ENOX1: variants seen among roughly 807,000 people sequenced by gnomAD.
The protein encoded by ENOX1 is ecto-NOX disulfide-thiol exchanger 1.
A neutral mutation model predicts 82.5 loss-of-function variants in ENOX1; 42 were observed. The observed-to-expected ratio is 0.51, with a 90% CI of 0.40 to 0.66. ENOX1 has a LOEUF of 0.66. ENOX1 is among the 30% of genes least tolerant of loss of function. The probability of loss-of-function intolerance (pLI) is 0.00; values close to 1 mark genes in which losing one functional copy is unlikely to be tolerated. For synonymous variants in ENOX1, 271 were observed against 282.2 expected (o/e 0.96, Z 0.40); for missense variants, 608 against 811.6 (o/e 0.75, Z 3.05).
intron 5 of ENOX1, among the ~76,000 whole-genome samples, chr13:43,397,637 T>A (rs185432488): frequency 6.6e-6 from 1 of 152,216 alleles, no homozygotes; most frequent in African/African-American, 2.4e-5. Flanking sequence ...TTTTGCCCTA[T>A]AGGCATAAAC....
intron 2 of ENOX1, among the ~76,000 whole-genome samples, chr13:43,513,046 C>T (rs1157249945): frequency 2.0e-5 from 3 of 152,064 alleles, no homozygotes; most frequent in African/African-American, 4.8e-5. Flanking sequence ...CAGTGGCTCA[C>T]GCCTGCAATC....
chr13:43,561,809 C>A (rs114391833), intron 2 of ENOX1, among the ~76,000 whole-genome samples: 1 of 151,898 alleles, frequency 6.6e-6, no homozygotes, highest in Admixed American at 6.6e-5. Context: ...GGTGAAATCC[C>A]GTCTCTACAA....
chr13:43,404,807 G>A (rs1458520203), intron 5 of ENOX1, among the ~76,000 whole-genome samples: 1 of 152,158 alleles, frequency 6.6e-6, no homozygotes, highest in African/African-American at 2.4e-5. Context: ...TGCATAGAGT[G>A]TAACAGAACT....
intron 3 of ENOX1, among the ~76,000 whole-genome samples, chr13:43,480,041 T>C (rs2058449422): frequency 6.6e-6 from 1 of 152,032 alleles, no homozygotes; most frequent in Non-Finnish European, 1.5e-5. Flanking sequence ...GTTCAAGCCA[T>C]TTTCCTGCCA....
At chr13:43,718,401 G>A (rs1434997095) in intron 1 of ENOX1, among the ~76,000 whole-genome samples, 2 of 151,918 alleles carry the variant, frequency 1.3e-5, no homozygotes, top group Non-Finnish European at 2.9e-5. Context: ...GAGGGAAGAG[G>A]GGATGGGTTG....
At chr13:43,660,804 T>C (rs1023849814) in intron 2 of ENOX1, among the ~76,000 whole-genome samples, 4 of 152,222 alleles carry the variant, frequency 2.6e-5, no homozygotes, top group African/African-American at 9.6e-5. Context: ...ACATTTCTTC[T>C]GCAGAGTTTG....
chr13:43,454,597 T>C (rs1229466696), intron 3 of ENOX1, among the ~76,000 whole-genome samples: 1 of 152,164 alleles, frequency 6.6e-6, no homozygotes, highest in Non-Finnish European at 1.5e-5. Context: ...CTCCCAAGTT[T>C]TCTTTCCTGA....
intron 3 of ENOX1, among the ~76,000 whole-genome samples, chr13:43,417,087 C>G (rs546280377): frequency 6.6e-6 from 1 of 152,178 alleles, no homozygotes; most frequent in South Asian, 2.1e-4. Flanking sequence ...CGTGCGCCTG[C>G]AATCCCAGGC....
At chr13:43,587,951 C>CA (rs34517732) in intron 2 of ENOX1, among the ~76,000 whole-genome samples, 135,738 of 148,732 alleles carry the variant, frequency 0.91, 62,319 homozygotes, top group East Asian at 0.99. Flanking sequence ...TTGCATTTTC[C>CA]AAAAAAAAAA....
intron 3 of ENOX1, among the ~76,000 whole-genome samples, chr13:43,428,950 C>A (rs541117653): frequency 6.6e-6 from 1 of 152,302 alleles, no homozygotes; most frequent in Admixed American, 6.5e-5. Context: ...AAATCAAAGT[C>A]CCTCTGCATG....
intron 2 of ENOX1, among the ~76,000 whole-genome samples, chr13:43,662,036 CT>C (rs2084759000): frequency 6.6e-6 from 1 of 152,032 alleles, no homozygotes; most frequent in African/African-American, 2.4e-5. Flanking sequence ...CCATCATGTC[CT>C]TCTCTTTCTG....
intron 3 of ENOX1, among the ~76,000 whole-genome samples, chr13:43,446,549 T>C (rs1229354152): frequency 6.6e-6 from 1 of 152,208 alleles, no homozygotes; most frequent in Non-Finnish European, 1.5e-5. Context: ...ACTCACCCGC[T>C]TGTTAACCTG....
At chr13:43,742,178 T>C (rs886363425) in intron 1 of ENOX1, among the ~76,000 whole-genome samples, 1 of 152,046 alleles carries the variant, frequency 6.6e-6, no homozygotes, top group African/African-American at 2.4e-5. Flanking sequence ...CCAATAGATA[T>C]ATAGAGACAT....
At chr13:43,629,745 A>C (rs573021605) in intron 2 of ENOX1, among the ~76,000 whole-genome samples, 21 of 152,358 alleles carry the variant, frequency 1.4e-4, no homozygotes, top group South Asian at 4.1e-4. Context: ...GCTCTTGGCC[A>C]TCTGTTTTTG....
chr13:43,446,337 G>T (rs1463627515), intron 3 of ENOX1, among the ~76,000 whole-genome samples: 2 of 152,122 alleles, frequency 1.3e-5, no homozygotes, highest in African/African-American at 4.8e-5. Flanking sequence ...TGGGCTGAGA[G>T]AACAAAATGA....
At chr13:43,350,548 T>C (rs2049708678) in intron 8 of ENOX1, among the ~76,000 whole-genome samples, 6 of 152,162 alleles carry the variant, frequency 3.9e-5, no homozygotes, top group Admixed American at 3.3e-4. Flanking sequence ...TGGGTTCAAG[T>C]GATTCTCCTG....
chr13:43,623,694 T>A (rs896670945), intron 2 of ENOX1, among the ~76,000 whole-genome samples: 5 of 151,958 alleles, frequency 3.3e-5, no homozygotes, highest in African/African-American at 1.2e-4. Context: ...ACAGTGTGAG[T>A]CCCCGCACAC....
intron 1 of ENOX1, among the ~76,000 whole-genome samples, chr13:43,711,175 T>A (rs575699425): frequency 1.3e-5 from 2 of 150,544 alleles, no homozygotes; most frequent in South Asian, 4.2e-4. Flanking sequence ...CGGTGTTTGG[T>A]TTTTTGTCCT....
intron 2 of ENOX1, among the ~76,000 whole-genome samples, chr13:43,661,439 C>G (rs4530022): frequency 0.99 from 150,236 of 152,308 alleles, 74,126 homozygotes; most frequent in East Asian, 1. Context: ...TGCTTTCAAA[C>G]CCAAGTAGTA....
Sources: allele counts gnomAD v4.1 joint callset (sites outside exome capture counted in the v4.1 genomes callset), GRCh38; gene constraint gnomAD v4.1.1; transcripts MANE v1.5; gene names NCBI Gene and HGNC (gene_info 2026-07-23, HGNC 2026-07-21).